The following CDH13 variants were observed in gnomAD, a reference collection of about 807,000 sequenced individuals.
The protein encoded by CDH13 is cadherin-13.
Under a neutral mutation model 63.8 loss-of-function variants are expected in CDH13, and 24 were observed. The observed-to-expected ratio is 0.38, with a 90% confidence interval of 0.27 to 0.53. The LOEUF (loss-of-function observed/expected upper bound fraction) is 0.53. CDH13 is among the 20% of genes least tolerant of loss of function. The pLI is 0.85. For synonymous variants in CDH13, 503 were observed against 355.3 expected, an observed-to-expected ratio of 1.42 and a Z score of -4.67; for missense variants, 1,049 against 903.1, an observed-to-expected ratio of 1.16 and a Z score of -2.07.
At chr16:83,523,607 C>G (rs187889087) in intron 7 of CDH13, among the ~76,000 whole-genome samples, 10 of 152,314 alleles carry the variant, frequency 6.6e-5, no homozygotes, top group Admixed American at 2.6e-4. Flanking sequence ...TGAGTTGGAT[C>G]TACTCCAGGG....
chr16:83,335,512 G>C (rs1360791971), intron 5 of CDH13, among the ~76,000 whole-genome samples: 1 of 152,030 alleles, frequency 6.6e-6, no homozygotes, highest in Non-Finnish European at 1.5e-5. Context: ...ATCATTTTAT[G>C]TTTCTTGCCC....
At chr16:83,636,034 T>C (rs11642916) in intron 8 of CDH13, among the ~76,000 whole-genome samples, 75,959 of 151,726 alleles carry the variant, frequency 0.5, 19,088 homozygotes, top group Admixed American at 0.53. Flanking sequence ...GGACACACAG[T>C]TGCTCCAGTA....
chr16:82,686,658 C>G (rs1382868302), intron 1 of CDH13, among the ~76,000 whole-genome samples: 2 of 152,202 alleles, frequency 1.3e-5, no homozygotes, highest in Non-Finnish European at 2.9e-5. Flanking sequence ...TGTTATGATT[C>G]CCGGAGATAA....
At chr16:83,242,738 C>T (rs1486369280) in intron 5 of CDH13, among the ~76,000 whole-genome samples, 2 of 152,178 alleles carry the variant, frequency 1.3e-5, no homozygotes, top group Non-Finnish European at 2.9e-5. Flanking sequence ...TTCTTGGAGA[C>T]CGATGTTGGG....
intron 2 of CDH13, among the ~76,000 whole-genome samples, chr16:82,879,677 TTATAA>T (rs1233897411): frequency 7.2e-6 from 1 of 138,950 alleles, no homozygotes; most frequent in Non-Finnish European, 1.5e-5. Context: ...TTTACATAAA[TTATAA>T]TATATAATAA....
chr16:83,530,590 C>G (rs527858679), intron 7 of CDH13, among the ~76,000 whole-genome samples: 2 of 152,336 alleles, frequency 1.3e-5, no homozygotes, highest in South Asian at 4.1e-4. Context: ...AGCACCCAGG[C>G]TTTCACATCA....
intron 7 of CDH13, among the ~76,000 whole-genome samples, chr16:83,602,139 AAAAACC>A (rs1907900738): frequency 6.5e-5 from 5 of 76,410 alleles, no homozygotes; most frequent in African/African-American, 4.0e-4. Context: ...AAAAAAAAAA[AAAAACC>A]CAAAGGACAA....
At chr16:83,778,375 C>T (rs1294270695) in intron 11 of CDH13, among the ~76,000 whole-genome samples, 1 of 152,038 alleles carries the variant, frequency 6.6e-6, no homozygotes, top group African/African-American at 2.4e-5. Context: ...ACTAAAAATA[C>T]AAAAATTAGC....
chr16:83,631,388 C>A (rs943815714), intron 8 of CDH13, among the ~76,000 whole-genome samples: 2 of 152,050 alleles, frequency 1.3e-5, no homozygotes, highest in African/African-American at 4.8e-5. Context: ...GGCCCTGTTG[C>A]TTGGAGAAGA....
At chr16:83,216,427 T>TATATATATATATATAAATAA (rs1367971790) in intron 4 of CDH13, among the ~76,000 whole-genome samples, 1 of 45,070 alleles carries the variant, frequency 2.2e-5, no homozygotes, top group East Asian at 8.5e-4. Context: ...TATATATATA[T>TATATATATATATATAAATAA]ATATATATAT....
chr16:83,341,116 C>T (rs868584706), intron 5 of CDH13, among the ~76,000 whole-genome samples: 1 of 152,186 alleles, frequency 6.6e-6, no homozygotes, highest in South Asian at 2.1e-4. Context: ...ATCAGAATGC[C>T]TCCCTTTGAA....
intron 3 of CDH13, among the ~76,000 whole-genome samples, chr16:83,080,003 T>C (rs537644430): frequency 6.6e-6 from 1 of 152,342 alleles, no homozygotes; most frequent in East Asian, 1.9e-4. Flanking sequence ...TTTGGACTAA[T>C]AAAAATGACA....
intron 2 of CDH13, among the ~76,000 whole-genome samples, chr16:83,029,747 A>G (rs370351318): frequency 6.6e-6 from 1 of 152,230 alleles, no homozygotes; most frequent in African/African-American, 2.4e-5. Context: ...AAGGGAGGGG[A>G]CTGGTAATGT....
At chr16:83,445,031 G>A (rs892517713) in intron 6 of CDH13, among the ~76,000 whole-genome samples, 5 of 152,136 alleles carry the variant, frequency 3.3e-5, no homozygotes, top group African/African-American at 1.2e-4. Context: ...ATGAGGCCAT[G>A]CTAGTTAATT....
At chr16:83,507,682 A>G (rs767559024) in intron 7 of CDH13, among the ~76,000 whole-genome samples, 1 of 152,144 alleles carries the variant, frequency 6.6e-6, no homozygotes, top group Non-Finnish European at 1.5e-5. Context: ...ATGCTCAGAC[A>G]TCCTTGGTTT....
chr16:83,033,161 A>G (rs66807003), intron 3 of CDH13, among the ~76,000 whole-genome samples: 28,499 of 152,128 alleles, frequency 0.19, 2,786 homozygotes, highest in East Asian at 0.27. Context: ...CACATTTAAT[A>G]TATCAAAGAT....
intron 1 of CDH13, among the ~76,000 whole-genome samples, chr16:82,787,263 G>A (rs183801738): frequency 2.1e-4 from 32 of 152,242 alleles, no homozygotes; most frequent in Admixed American, 2.0e-3. Context: ...CATGTATACA[G>A]CTGAGCATGG....
At chr16:82,630,358 G>A (rs1332239110) in intron 1 of CDH13, among the ~76,000 whole-genome samples, 3 of 152,268 alleles carry the variant, frequency 2.0e-5, no homozygotes, top group East Asian at 1.9e-4. Flanking sequence ...TCCCAAAACA[G>A]GTTTAATAAA....
At chr16:82,738,117 G>C (rs1849676428) in intron 1 of CDH13, among the ~76,000 whole-genome samples, 1 of 152,170 alleles carries the variant, frequency 6.6e-6, no homozygotes, top group African/African-American at 2.4e-5. Flanking sequence ...CATTCGTTAG[G>C]TTTCATGACA....
Sources: allele counts gnomAD v4.1 joint callset (sites outside exome capture counted in the v4.1 genomes callset), GRCh38; gene constraint gnomAD v4.1.1; transcripts MANE v1.5; gene names NCBI Gene and HGNC (gene_info 2026-07-23, HGNC 2026-07-21).